The following ADGRL2 variants were observed in gnomAD, a reference collection of about 807,000 sequenced individuals.
The protein encoded by ADGRL2 is calcium-independent alpha-latrotoxin receptor 2.
Under a neutral mutation model 157.4 loss-of-function variants are expected in ADGRL2, and 44 were observed. That is an observed-to-expected ratio of 0.28 (90% CI 0.22 to 0.36). The LOEUF (loss-of-function observed/expected upper bound fraction) is 0.36, where lower values mean the gene tolerates loss of function less well. Among genes scored for constraint, ADGRL2 ranks in the 10% least tolerant of loss-of-function variants. ADGRL2 has a pLI of 1.00. For missense variants in ADGRL2, 1,510 were observed against 1,768.9 expected, an observed-to-expected ratio of 0.85 and a Z score of 2.63; for synonymous variants, 585 against 624.7, an observed-to-expected ratio of 0.94 and a Z score of 0.95.
chr1:81,872,006 C>A (rs973888582), intron 2 of ADGRL2, among the ~76,000 whole-genome samples: 8 of 152,072 alleles, frequency 5.3e-5, no homozygotes, highest in Non-Finnish European at 1.2e-4. Flanking sequence ...AGTCCTTGCC[C>A]ATGCCTATGT....
rs189435588 is a variant in ADGRL2, at chr1:81,569,550, A to G, written c.-247-11326A>G. The stretch of plus-strand genomic sequence containing the variant: ...AGGCCAGGTGCAATGGCTCACTCCT[A>G]TGATCTTAGCACTTTAGGAGACTGA... On this transcript the variant is annotated intron_variant, in intron 2 of 24. Coordinates refer to the ADGRL2 transcript ENST00000370721. Among the ~76,000 whole-genome samples, 114 of 152,276 alleles carry G rather than the reference A, an allele frequency of 7.5e-4. 1 individual carries two copies. The Middle Eastern group carries it at 0.034, about 45-fold the overall frequency.
chr1:81,727,677 C>T (rs1017512386), intron 1 of ADGRL2, among the ~76,000 whole-genome samples: 7 of 152,066 alleles, frequency 4.6e-5, no homozygotes, highest in African/African-American at 9.7e-5. Context: ...ATGATCCGTC[C>T]GCCTCAGCCT....
At chr1:81,581,495 TA>T (rs1437074522) in intron 3 of ADGRL2, among the ~76,000 whole-genome samples, 1 of 152,138 alleles carries the variant, frequency 6.6e-6, no homozygotes, top group Non-Finnish European at 1.5e-5. Flanking sequence ...TTTACTAATG[TA>T]AAAAGATCCC....
chr1:81,400,451 T>A, intron 1 of ADGRL2, among the ~76,000 whole-genome samples: 1 of 152,062 alleles, frequency 6.6e-6, no homozygotes, highest in East Asian at 1.9e-4. Flanking sequence ...ATTGTAACTG[T>A]GATTTTACCC....
intron 2 of ADGRL2, among the ~76,000 whole-genome samples, chr1:81,490,251 C>A (rs879495956): frequency 2.0e-5 from 3 of 151,958 alleles, no homozygotes; most frequent in Admixed American, 6.6e-5. Flanking sequence ...CCTGCCTCAG[C>A]CTCCCAAGTA....
At chr1:81,615,448 A>G (rs1397924320) in intron 3 of ADGRL2, among the ~76,000 whole-genome samples, 1 of 152,226 alleles carries the variant, frequency 6.6e-6, no homozygotes, top group Non-Finnish European at 1.5e-5. Context: ...TAAGAGCTGT[A>G]ACACTCACCG....
chr1:81,555,451 T>A (rs189656517), intron 2 of ADGRL2, among the ~76,000 whole-genome samples: 13 of 152,140 alleles, frequency 8.5e-5, no homozygotes, highest in Admixed American at 3.9e-4. Context: ...ATATTTTTAG[T>A]AGAGATGGTG....
At chr1:81,467,111 A>T (rs886743312) in intron 2 of ADGRL2, among the ~76,000 whole-genome samples, 1 of 152,050 alleles carries the variant, frequency 6.6e-6, no homozygotes, top group African/African-American at 2.4e-5. Context: ...GGACAATAAG[A>T]CTGCTGAACC....
chr1:81,365,788 G>A (rs941732042), intron 1 of ADGRL2, among the ~76,000 whole-genome samples: 3 of 152,098 alleles, frequency 2.0e-5, no homozygotes, highest in African/African-American at 7.2e-5. Context: ...TTGACACTGG[G>A]TCCTTCATCC....
At chr1:81,529,981 A>G (rs1239417983) in intron 2 of ADGRL2, among the ~76,000 whole-genome samples, 1 of 152,242 alleles carries the variant, frequency 6.6e-6, no homozygotes, top group Non-Finnish European at 1.5e-5. Flanking sequence ...GAGAAACTGT[A>G]TACGCAATAA....
rs1338487582 is a variant in ADGRL2, at chr1:81,822,030, T to TTTTTC, written c.-100-14851_-100-14850insCTTTT. On this transcript the variant is annotated intron_variant, in intron 1 of 23. Transcript: ENST00000686636. ...TGCATTATAGGTAATATCAGAAACT[T>TTTTTC]TTTTTTTTTTTTTGCAAAGCATAGC... Among the ~76,000 whole-genome samples, 6 of 148,992 alleles carry TTTTTC rather than the reference T, an allele frequency of 4.0e-5. No homozygotes were observed. The East Asian group carries it at 1.2e-3, about 29-fold the overall frequency.
At chr1:81,348,649 C>A (rs529908433) in intron 1 of ADGRL2, among the ~76,000 whole-genome samples, 14 of 152,172 alleles carry the variant, frequency 9.2e-5, no homozygotes, top group Admixed American at 1.3e-4. Flanking sequence ...ACCACCACCA[C>A]CAACAACAAC....
chr1:81,799,954 T>G (rs1333301443), upstream of ADGRL2, among the ~76,000 whole-genome samples: 1 of 152,242 alleles, frequency 6.6e-6, no homozygotes, highest in Non-Finnish European at 1.5e-5. Flanking sequence ...TTAAACGTTT[T>G]TCCAGCGTGA....
intron 2 of ADGRL2, among the ~76,000 whole-genome samples, chr1:81,520,212 G>C (rs1438245677): frequency 1.3e-5 from 2 of 152,022 alleles, no homozygotes; most frequent in African/African-American, 2.4e-5. Flanking sequence ...GCTGCCTTTT[G>C]GGTTTTCTTT....
intron 1 of ADGRL2, among the ~76,000 whole-genome samples, chr1:81,329,672 T>A: frequency 6.6e-6 from 1 of 152,168 alleles, no homozygotes; most frequent in East Asian, 1.9e-4. Flanking sequence ...AATAATTTGA[T>A]TATATCAAAA....
chr1:81,376,759 C>T (rs2076257887), intron 1 of ADGRL2, among the ~76,000 whole-genome samples: 1 of 152,128 alleles, frequency 6.6e-6, no homozygotes, highest in Non-Finnish European at 1.5e-5. Flanking sequence ...GGCTGATCAG[C>T]CTCTTCATTG....
At chr1:81,629,854 G>A (rs1053606306) in intron 3 of ADGRL2, among the ~76,000 whole-genome samples, 1 of 151,850 alleles carries the variant, frequency 6.6e-6, no homozygotes, top group South Asian at 2.1e-4. Flanking sequence ...GCTTGCCAAC[G>A]TGCTGGGATT....
chr1:81,594,125 G>C (rs1405209963), intron 3 of ADGRL2, among the ~76,000 whole-genome samples: 1 of 152,142 alleles, frequency 6.6e-6, no homozygotes, highest in African/African-American at 2.4e-5. Context: ...CAGAGTACAA[G>C]ATTTTGTATG....
intron 2 of ADGRL2, among the ~76,000 whole-genome samples, chr1:81,464,682 C>T (rs1228576860): frequency 1.3e-5 from 2 of 152,102 alleles, no homozygotes; most frequent in Non-Finnish European, 2.9e-5. Flanking sequence ...ACAGTTACTC[C>T]AGAACAAGTC....
Sources: gnomAD v4.1 joint callset for allele counts (sites outside exome capture counted in the v4.1 genomes callset) on GRCh38, gnomAD v4.1.1 for gene constraint, MANE v1.5 for transcripts, NCBI Gene and HGNC (gene_info 2026-07-23, HGNC 2026-07-21) for gene names.